HTR4: variants seen among roughly 807,000 people sequenced by gnomAD.
HTR4 encodes the protein 5-hydroxytryptamine (serotonin) receptor 4, G protein-coupled.
In HTR4, 16 loss-of-function variants were observed where a neutral mutation model predicts 36.8. The ratio of observed to expected loss-of-function variants is 0.43; its 90% CI spans 0.29 to 0.66. HTR4 has a LOEUF of 0.66. Ranked by LOEUF, HTR4 falls within the 30% of genes least tolerant of loss-of-function variation. The pLI, the probability that HTR4 is intolerant of heterozygous loss-of-function variation, is 0.13. For missense variants in HTR4, 438 were observed against 490.9 expected (o/e 0.89, Z 1.02); for synonymous variants, 189 against 185.1 (o/e 1.02, Z -0.17).
intron 5 of HTR4, among the ~76,000 whole-genome samples, chr5:148,521,468 T>G (rs1758014283): frequency 1.3e-5 from 2 of 151,938 alleles, no homozygotes; most frequent in Non-Finnish European, 2.9e-5. Context: ...CAGTTTTTCC[T>G]GCCTTTGGAC....
intron 2 of HTR4, among the ~76,000 whole-genome samples, chr5:148,581,903 T>C (rs576066658): frequency 6.6e-6 from 1 of 152,138 alleles, no homozygotes; most frequent in African/African-American, 2.4e-5. Flanking sequence ...AGGGATTACA[T>C]TGAATCTGTA....
intron 1 of HTR4, among the ~76,000 whole-genome samples, chr5:148,650,208 T>C (rs1241284351): frequency 6.6e-6 from 1 of 152,196 alleles, no homozygotes; most frequent in Non-Finnish European, 1.5e-5. Context: ...CTCATGAAAG[T>C]TTGAGAAGCA....
chr5:148,533,918 G>T (rs1758691815), intron 4 of HTR4, among the ~76,000 whole-genome samples: 1 of 152,066 alleles, frequency 6.6e-6, no homozygotes, highest in African/African-American at 2.4e-5. Context: ...GGAATTATGA[G>T]CTCTACATTA....
At chr5:148,573,772 C>T (rs989395399) in intron 2 of HTR4, among the ~76,000 whole-genome samples, 5 of 151,886 alleles carry the variant, frequency 3.3e-5, no homozygotes, top group African/African-American at 1.2e-4. Flanking sequence ...CCTGCAAAGC[C>T]TTACAATGTA....
intron 2 of HTR4, among the ~76,000 whole-genome samples, chr5:148,579,907 C>A (rs1371893121): frequency 1.3e-5 from 2 of 152,016 alleles, no homozygotes; most frequent in African/African-American, 4.8e-5. Context: ...CTGATTGGGT[C>A]TGGCCTACCT....
Position 148,566,644 on chromosome 5 carries a change from C to T in HTR4, c.27-16382G>A, listed in dbSNP as rs943936098. ...AGAGATTAAAAGAAATTTGGCATTTCGTACATCTGAATGTTGTAGAGTAAC... is the reference window on the plus strand; with the variant it reads ...AGAGATTAAAAGAAATTTGGCATTTTGTACATCTGAATGTTGTAGAGTAAC... On this transcript the variant is annotated intron_variant, in intron 2 of 6. Transcript: ENST00000377888. 2.0e-5 allele frequency among the ~76,000 whole-genome samples: 3 copies of T among 152,206 alleles called. No homozygotes were observed. The East Asian group carries it at 5.8e-4, about 29-fold the overall frequency.
chr5:148,527,641 G>A (rs1327224137), intron 4 of HTR4, among the ~76,000 whole-genome samples: 1 of 151,980 alleles, frequency 6.6e-6, no homozygotes, highest in Non-Finnish European at 1.5e-5. Flanking sequence ...ATTTGAAACA[G>A]AATCCTGTTC....
At chr5:148,497,731 C>G (rs2113747594) in intron 6 of HTR4, among the ~76,000 whole-genome samples, 1 of 152,348 alleles carries the variant, frequency 6.6e-6, no homozygotes, top group Middle Eastern at 3.4e-3. Context: ...GACAAAGAGG[C>G]TGGCTCCAAA....
chr5:148,597,851 G>C (rs1386050021), intron 2 of HTR4, among the ~76,000 whole-genome samples: 1 of 152,190 alleles, frequency 6.6e-6, no homozygotes, highest in Non-Finnish European at 1.5e-5. Flanking sequence ...AGATCAGTGA[G>C]AACAAGTACC....
chr5:148,575,874 T>A (rs1385252991), intron 2 of HTR4, among the ~76,000 whole-genome samples: 2 of 151,648 alleles, frequency 1.3e-5, no homozygotes, highest in Non-Finnish European at 2.9e-5. Flanking sequence ...ATATTGGAAG[T>A]CCTAGCCAGA....
chr5:148,467,270 C>T (rs1164136660), intron 5 of HTR4, among the ~76,000 whole-genome samples: 1 of 152,144 alleles, frequency 6.6e-6, no homozygotes, highest in African/African-American at 2.4e-5. Flanking sequence ...CAATATCTGG[C>T]ATATATATGT....
chr5:148,524,099 A>G (rs528920576), intron 4 of HTR4, among the ~76,000 whole-genome samples: 6 of 152,088 alleles, frequency 3.9e-5, no homozygotes, highest in Admixed American at 6.5e-5. Context: ...GCAGATCCCA[A>G]GGATCTCCTG....
At chr5:148,506,211 A>G (rs907307270) in intron 6 of HTR4, among the ~76,000 whole-genome samples, 6 of 152,190 alleles carry the variant, frequency 3.9e-5, no homozygotes, top group Non-Finnish European at 8.8e-5. Flanking sequence ...GCCCTCAGAA[A>G]TAATACCACA....
intron 2 of HTR4, among the ~76,000 whole-genome samples, chr5:148,591,748 A>G (rs1761582043): frequency 6.6e-6 from 1 of 152,216 alleles, no homozygotes; most frequent in African/African-American, 2.4e-5. Context: ...AACCACAATA[A>G]GATATCATCT....
intron 1 of HTR4, among the ~76,000 whole-genome samples, chr5:148,638,958 G>A (rs1230662650): frequency 6.6e-6 from 1 of 151,998 alleles, no homozygotes. Flanking sequence ...GAGGTGGGAG[G>A]ATCACCTGAG....
intron 5 of HTR4, among the ~76,000 whole-genome samples, chr5:148,469,681 A>T (rs1212871104): frequency 6.6e-6 from 1 of 152,218 alleles, no homozygotes; most frequent in African/African-American, 2.4e-5. Context: ...AAATGGCTGG[A>T]ATCCAATTAT....
At chr5:148,611,290 A>G (rs1411171729) in intron 2 of HTR4, among the ~76,000 whole-genome samples, 2 of 151,990 alleles carry the variant, frequency 1.3e-5, no homozygotes, top group Non-Finnish European at 2.9e-5. Flanking sequence ...AGGTCGGGTT[A>G]CTCTCAAAGG....
At chr5:148,563,535 T>C (rs1450020005) in intron 2 of HTR4, among the ~76,000 whole-genome samples, 3 of 152,214 alleles carry the variant, frequency 2.0e-5, no homozygotes, top group African/African-American at 4.8e-5. Context: ...CAGCACCTTT[T>C]TGGTACTGTT....
intron 2 of HTR4, among the ~76,000 whole-genome samples, chr5:148,575,260 G>A (rs542708879): frequency 2.0e-5 from 3 of 152,146 alleles, no homozygotes; most frequent in South Asian, 4.1e-4. Context: ...TTCCTGTGAC[G>A]CCAGTTACCC....
Sources: allele counts gnomAD v4.1 joint callset (sites outside exome capture counted in the v4.1 genomes callset), GRCh38; gene constraint gnomAD v4.1.1; transcripts MANE v1.5; gene names NCBI Gene and HGNC (gene_info 2026-07-23, HGNC 2026-07-21).